ADAMTSL2: variants seen among roughly 807,000 people sequenced by gnomAD.
ADAMTSL2 encodes the protein ADAMTS like 2.
Under a neutral mutation model 117.0 loss-of-function variants are expected in ADAMTSL2, and 55 were observed. The observed-to-expected ratio is 0.47, with a 90% CI of 0.38 to 0.59. The LOEUF is 0.59. Among genes scored for constraint, ADAMTSL2 ranks in the 20% least tolerant of loss-of-function variants. The probability of loss-of-function intolerance (pLI) is 0.00; values close to 1 mark genes in which losing one functional copy is unlikely to be tolerated. For synonymous variants in ADAMTSL2, 572 were observed against 566.4 expected (o/e 1.01, Z -0.14); for missense variants, 1,182 against 1,354.5 (o/e 0.87, Z 2.00).
intron 7 of ADAMTSL2, 45 bp from the exon 8 acceptor site, chr9:133,544,425 G>C: frequency 6.6e-7 from 1 of 1,525,458 alleles, no homozygotes; most frequent in South Asian, 1.1e-5. Flanking sequence ...ACCCAAGGCT[G>C]CCTTTCCAAT....
In ADAMTSL2 at chr9:133,557,682, G is replaced by C. The variant is rs1830633548; in HGVS notation, c.1649+1752G>C. Among the ~76,000 whole-genome samples the C allele has an allele frequency of 1.3e-5, 2 of 152,172 alleles. No individual in the cohort carries two copies. The stretch of plus-strand genomic sequence containing the variant: ...CCCAGGGCAGTCCGGGGCATTCCCT[G>C]GTATTCCGTGTGTGAGGCCCACGGT... On this transcript the variant is annotated intron_variant, in intron 11 of 18. Coordinates refer to ENST00000651351, the MANE Select transcript of ADAMTSL2 (RefSeq NM_014694.4). The surrounding 1 kb of genome is among the most constrained non-coding windows in gnomAD (Gnocchi z 5.2).
intron 3 of ADAMTSL2, 71 bp from the exon 4 acceptor site, chr9:133,538,278 T>C: frequency 6.3e-7 from 1 of 1,584,442 alleles, no homozygotes; most frequent in Non-Finnish European, 8.7e-7. Flanking sequence ...CCAGTGGCCG[T>C]GGGGCCAGCC....
At position 133,540,943 on chromosome 9, in the gene ADAMTSL2, G is replaced by T. The variant is rs1399931340; in HGVS notation, c.624G>T (p.Gly208=). The T allele has an allele frequency of 1.2e-6, 2 of 1,613,434 alleles. No individual in the cohort carries two copies. Among genetic ancestry groups the T allele is most frequent in the Non-Finnish European group, 8.5e-7 (1 of 1,180,030 alleles). ...TGGACAAGTGTGGCATCTGCCAGGGGGACGGTAGCAGCTGCACCCACGTGA... is the reference window on the plus strand; with the variant it reads ...TGGACAAGTGTGGCATCTGCCAGGGTGACGGTAGCAGCTGCACCCACGTGA... The part of the protein sequence containing the change: ...HTLDKCGICQ[G]DGSSCTHVTG... Residue 208 remains glycine (G), a synonymous_variant, in exon 7 of 19, where the codon GGG becomes GGT. Coordinates refer to ENST00000651351, the MANE Select transcript of ADAMTSL2 (RefSeq NM_014694.4).
upstream of ADAMTSL2, chr9:133,534,384 G>C (rs374414892): frequency 2.0e-4 from 43 of 216,532 alleles, no homozygotes; most frequent in East Asian, 3.7e-3. Flanking sequence ...GCAGAAGCCG[G>C]ACAGGCGGGG....
chr9:133,534,816 T>C lies in ADAMTSL2; in HGVS notation c.-252T>C, dbSNP rs1475123018. 14 of 1,493,036 alleles carry C rather than the reference T, an allele frequency of 9.4e-6. No homozygotes were observed. The highest frequency in any genetic ancestry group is 4.3e-5 in the African/African-American group (3 of 69,296). 92.5% of individuals were successfully genotyped at this position (1,493,036 alleles called of 1,614,324 possible). Reference sequence around the variant, plus strand: ...GAGAGGGAGGCCGGGCCGCAGCCTCTGCACTCACGCCGCCCCCGCACGCAC... The same window carrying C: ...GAGAGGGAGGCCGGGCCGCAGCCTCCGCACTCACGCCGCCCCCGCACGCAC... On this transcript the variant is annotated 5_prime_UTR_variant, in exon 1 of 19. Transcript: ENST00000651351.
intron 15 of ADAMTSL2, 40 bp from the exon 16 acceptor site, chr9:133,569,368 C>G (rs1246798130): frequency 6.2e-7 from 1 of 1,605,700 alleles, no homozygotes. Context: ...GGTGTGGCTG[C>G]CTCTCACTGG....
Position 133,534,889 on chromosome 9 carries a change from G to A in ADAMTSL2, c.-179G>A. On this transcript the variant is annotated 5_prime_UTR_variant, in exon 1 of 19. An upstream open reading frame in the 5' UTR gains an earlier in-frame stop. Coordinates refer to ENST00000651351, the MANE Select transcript of ADAMTSL2 (RefSeq NM_014694.4). ...CTCCGCAGCGCTCGCCCCTTTCTCTGGGAGGACAACCTGCTGACCCGAAGC... is the reference window on the plus strand; with the variant it reads ...CTCCGCAGCGCTCGCCCCTTTCTCTAGGAGGACAACCTGCTGACCCGAAGC... 3 of 1,445,892 alleles carry A rather than the reference G, an allele frequency of 2.1e-6. No individual in the cohort carries two copies. Among genetic ancestry groups the A allele is most frequent in the East Asian group, 2.9e-5 (1 of 33,996 alleles). 89.6% of individuals were successfully genotyped at this position (1,445,892 alleles called of 1,614,324 possible).
rs1830563402 is a variant in ADAMTSL2 at position 133,554,611 on chromosome 9, C to G, written c.1194C>G (p.Ser398Arg). ...HPGLDMELGPSQGQETNEVCE... is the reference protein window; with the variant it reads ...HPGLDMELGPRQGQETNEVCE... ...GCCTGGACATGGAGCTGGGCCCCAG[C>G]CAGGGCCAGGAGACCAACGAGGTGT... Residue 398 changes from serine to arginine, a missense_variant, in exon 10 of 19, where the codon AGC (serine) becomes AGG (arginine). Ser to Arg is a moderately radical substitution (Grantham distance 110). Coordinates refer to ENST00000651351, the MANE Select transcript of ADAMTSL2 (RefSeq NM_014694.4). The surrounding 1 kb of genome is among the most constrained non-coding windows in gnomAD (Gnocchi z 5.2). 1 of 1,547,154 alleles carries G rather than the reference C, an allele frequency of 6.5e-7. No homozygotes were observed. Among genetic ancestry groups the G allele is most frequent in the African/African-American group, 1.4e-5 (1 of 73,434 alleles).
rs138540101 is a variant in ADAMTSL2, at chr9:133,537,436, G to C, written c.122G>C (p.Gly41Ala). The C allele has an allele frequency of 2.2e-4, 302 of 1,347,802 alleles. No individual in the cohort carries two copies. The highest frequency in any genetic ancestry group is 2.6e-4 in the Non-Finnish European group (271 of 1,041,220). The allele number at this position is 1,347,802 out of a possible 1,614,324, so 83.5% of individuals were successfully genotyped here. A position where few individuals can be genotyped will look rare whatever the true frequency, so the allele number is the denominator to read the frequency against. Residue 41 changes from glycine to alanine, a missense_variant, in exon 3 of 19, where the codon GGG (glycine) becomes GCG (alanine). Physicochemically the swap from Gly to Ala is moderately conservative, Grantham distance 60 (BLOSUM62 0). Transcript: ENST00000651351. ...DNSPTSNSLE[G>A]GTDATAFWWG... is the part of the protein sequence containing the mutation. ...AGCCCAACATCCAATAGCCTGGAGG[G>C]GGGCACCGACGCCACGGCCTTCTGG...
intron 9 of ADAMTSL2, among the ~76,000 whole-genome samples, chr9:133,548,496 G>A (rs149101890): frequency 1.3e-5 from 2 of 152,136 alleles, no homozygotes; most frequent in African/African-American, 4.8e-5. Flanking sequence ...TCTGAGGTGG[G>A]GGTTTGTGTG....
rs1213936510 is a variant in ADAMTSL2, at chr9:133,558,210, T to C, written c.1649+2280T>C. Among the ~76,000 whole-genome samples, 1 of 152,172 alleles carries C rather than the reference T, an allele frequency of 6.6e-6. No homozygotes were observed. Among genetic ancestry groups the C allele is most frequent in the Non-Finnish European group, 1.5e-5 (1 of 68,026 alleles). On this transcript the variant is annotated intron_variant, in intron 11 of 18. Transcript: ENST00000651351. The surrounding 1 kb of genome is among the most constrained non-coding windows in gnomAD (Gnocchi z 4.3). ...CTCAGAAAGGCCCTGACTGCTGAGATGCCGCTGCTCCCCCGGCCGGCCTGC... is the reference window on the plus strand; with the variant it reads ...CTCAGAAAGGCCCTGACTGCTGAGACGCCGCTGCTCCCCCGGCCGGCCTGC...
intron 8 of ADAMTSL2, among the ~76,000 whole-genome samples, chr9:133,546,489 T>C (rs1340405612): frequency 6.6e-6 from 1 of 152,128 alleles, no homozygotes; most frequent in East Asian, 1.9e-4. Flanking sequence ...AGGGTCAGCA[T>C]GGCCCTGCCT....
intron 13 of ADAMTSL2, among the ~76,000 whole-genome samples, chr9:133,568,028 G>A (rs62574226): frequency 0.036 from 5,490 of 152,312 alleles, 110 homozygotes; most frequent in Middle Eastern, 0.11. Flanking sequence ...CAGGAAGGCC[G>A]AGCCCACGCT....
rs764860021 is a variant in ADAMTSL2, at chr9:133,544,563, T to C, written c.763+13T>C. ...GCTGACGTGCTAGGTGGGTACGCAG[T>C]GTCTGGCAGCTGCCTCACTGAGCTT... On this transcript the variant is annotated intron_variant, in intron 8 of 18. Coordinates refer to ENST00000651351, the MANE Select transcript of ADAMTSL2 (RefSeq NM_014694.4). The C allele has an allele frequency of 2.5e-6, 4 of 1,611,260 alleles. No homozygotes were observed. In the South Asian group the frequency reaches 4.4e-5, roughly 18 times the overall value.
upstream of ADAMTSL2, chr9:133,534,611 C>G: frequency 7.9e-7 from 1 of 1,272,590 alleles, no homozygotes; most frequent in Non-Finnish European, 1.0e-6. Flanking sequence ...CCAGGCCGGC[C>G]GGCGCGGGCG....
intron 17 of ADAMTSL2, 145 bp downstream of exon 17, chr9:133,570,652 TC>T: frequency 1.1e-6 from 1 of 920,656 alleles, no homozygotes; most frequent in Admixed American, 2.1e-5. Context: ...CGGGAAAGCT[TC>T]TCAACTCCAC....
In ADAMTSL2 at chr9:133,544,520, G is replaced by A. The variant is rs769960086; in HGVS notation, c.733G>A (p.Val245Ile). ...IPAGARDIQI[V>I]ERKKSADVLA... is the part of the protein sequence containing the mutation. ...GGCTGGTGCCCGAGACATCCAGATT[G>A]TAGAGAGGAAGAAGTCCGCTGACGT... Residue 245 changes from valine to isoleucine, a missense_variant, in exon 8 of 19, where the codon GTA becomes ATA. Transcript: ENST00000651351. 20 of 1,614,198 alleles carry A rather than the reference G, an allele frequency of 1.2e-5. No homozygotes were observed. The highest frequency in any genetic ancestry group is 1.6e-4 in the Middle Eastern group (1 of 6,062).
At chr9:133,568,817 G>C in intron 15 of ADAMTSL2, 59 bp downstream of exon 15, 1 of 1,606,696 alleles carries the variant, frequency 6.2e-7, no homozygotes, top group South Asian at 1.1e-5. Context: ...CCAGAGCTTT[G>C]CCTTGATGTG....
rs1289530795 is a variant in ADAMTSL2 at position 133,554,497 on chromosome 9, G to A, written c.1080G>A (p.Leu360=). 5 of 1,550,810 alleles carry A rather than the reference G, an allele frequency of 3.2e-6. No individual in the cohort carries two copies. In the South Asian group the frequency reaches 5.9e-5, roughly 18 times the overall value. ...AESQGLDGAG[L]MGFVPHNGSL... ...GCCAGGGCCTGGACGGGGCCGGGCT[G>A]ATGGGCTTCGTCCCGCACAACGGCT... Residue 360 remains leucine, a synonymous_variant, in exon 10 of 19, where the codon CTG becomes CTA. Coordinates refer to ENST00000651351, the MANE Select transcript of ADAMTSL2 (RefSeq NM_014694.4). This position sits in a 1 kb window ranked among gnomAD's most constrained non-coding sequence, Gnocchi z 5.2.
Sources: allele counts gnomAD v4.1 joint callset (sites outside exome capture counted in the v4.1 genomes callset), GRCh38; gene constraint gnomAD v4.1.1; non-coding constraint Gnocchi (gnomAD v3.1); transcripts MANE v1.5; gene names NCBI Gene and HGNC (gene_info 2026-07-23, HGNC 2026-07-21).